RNASE2: variants seen among roughly 807,000 people sequenced by gnomAD.
RNASE2 encodes non-secretory ribonuclease.
For missense variants in RNASE2, 170 were observed against 197.9 expected (o/e 0.86, Z 0.85); for synonymous variants, 67 against 68.9 (o/e 0.97, Z 0.13).
chr14:20,955,996 T>A lies in RNASE2; in HGVS notation c.225T>A (p.Phe75Leu). 1 of 1,614,216 alleles carries A rather than the reference T, an allele frequency of 6.2e-7. No individual in the cohort carries two copies. Among genetic ancestry groups the A allele is most frequent in the Non-Finnish European group, 8.5e-7 (1 of 1,180,046 alleles). The change falls in exon 2 of 2, where the codon TTT becomes TTA. Residue 75 changes from phenylalanine (F) to leucine (L), a missense_variant. Transcript: ENST00000304625. ...KNQNTFLLTT[F>L]ANVVNVCGNP... ...AAAATACTTTCCTTCTTACAACTTT[T>A]GCTAACGTAGTTAATGTTTGTGGTA...
chr14:20,956,025 C>A lies in RNASE2; in HGVS notation c.254C>A (p.Pro85Gln). The change falls in exon 2 of 2, where the codon CCA becomes CAA. Residue 85 changes from proline (P) to glutamine (Q), a missense_variant. Pro to Gln is a moderately conservative substitution (Grantham distance 76). Transcript: ENST00000304625. ...FANVVNVCGN[P>Q]NMTCPSNKTR... ...AACGTAGTTAATGTTTGTGGTAACCCAAATATGACCTGTCCTAGTAACAAA... is the reference window on the plus strand; with the variant it reads ...AACGTAGTTAATGTTTGTGGTAACCAAAATATGACCTGTCCTAGTAACAAA... The A allele has an allele frequency of 6.2e-7, 1 of 1,614,152 alleles. No individual in the cohort carries two copies. The highest frequency in any genetic ancestry group is 1.1e-5 in the South Asian group (1 of 91,082).
At chr14:20,955,679 G>C in intron 1 of RNASE2, 88 bp from the exon 2 acceptor site, 1 of 1,491,160 alleles carries the variant, frequency 6.7e-7, no homozygotes, top group Non-Finnish European at 9.0e-7. Flanking sequence ...CAGAGTGGCC[G>C]CAGAGGGGCC....
At chr14:20,955,606 C>A in intron 1 of RNASE2, 70 bp downstream of exon 1, 2 of 890,850 alleles carry the variant, frequency 2.2e-6, no homozygotes, top group Non-Finnish European at 3.4e-6. Flanking sequence ...GAGAAGAGAG[C>A]TGACGTTAGT....
Sources: gnomAD v4.1 joint callset for allele counts on GRCh38, gnomAD v4.1.1 for gene constraint, MANE v1.5 for transcripts, NCBI Gene and HGNC (gene_info 2026-07-23, HGNC 2026-07-21) for gene names.